Variants in GRK7 observed in about 807,000 individuals in gnomAD.
GRK7 encodes rhodopsin kinase GRK7.
Under a neutral mutation model 34.1 loss-of-function variants are expected in GRK7, and 24 were observed. The ratio of observed to expected loss-of-function variants is 0.70; its 90% CI spans 0.51 to 0.99. GRK7 has a LOEUF of 0.99. GRK7 is among the 50% of genes least tolerant of loss of function. The probability of loss-of-function intolerance (pLI) is 0.00; values close to 1 mark genes in which losing one functional copy is unlikely to be tolerated. For synonymous variants in GRK7, 256 were observed against 279.4 expected, an observed-to-expected ratio of 0.92 and a Z score of 0.84; for missense variants, 644 against 707.3, an observed-to-expected ratio of 0.91 and a Z score of 1.02.
At position 141,785,034 on chromosome 3, in the gene GRK7, A is replaced by C. The variant is rs1339514414; in HGVS notation, c.1050+4223A>C. Among the ~76,000 whole-genome samples the C allele has an allele frequency of 3.3e-5, 5 of 152,280 alleles. No homozygotes were observed. In the East Asian group the frequency reaches 9.6e-4, roughly 29 times the overall value. ...ATCCTCTCACCAGACATTTCCCTCA[A>C]CCTTCCTTTCCTTATAAAATACTTT... On this transcript the variant is annotated intron_variant, in intron 4 of 5. Transcript: ENST00000682958.
intron 2 of GRK7, among the ~76,000 whole-genome samples, 35 bp downstream of exon 2, chr3:141,774,715 T>C (rs1241563379): frequency 6.6e-6 from 1 of 151,940 alleles, no homozygotes; most frequent in East Asian, 1.9e-4. Context: ...GTAGGTACCA[T>C]ATTATCATTT....
At chr3:141,752,870 T>G in the GRK7 span, among the ~76,000 whole-genome samples, 1 of 152,170 alleles carries the variant, frequency 6.6e-6, no homozygotes, top group Non-Finnish European at 1.5e-5. Flanking sequence ...TTTTCATGAA[T>G]GTACCCAAGA....
intron 5 of GRK7, among the ~76,000 whole-genome samples, chr3:141,812,472 C>T (rs1475970687): frequency 6.6e-6 from 1 of 152,146 alleles, no homozygotes; most frequent in Non-Finnish European, 1.5e-5. Flanking sequence ...TTTGTGGTGG[C>T]CCAGCCACAA....
chr3:141,794,775 T>C (rs2084741307), intron 4 of GRK7, among the ~76,000 whole-genome samples: 1 of 152,052 alleles, frequency 6.6e-6, no homozygotes. Flanking sequence ...TGGGGCGATA[T>C]AATATTTCAG....
At chr3:141,773,317 G>A (rs1228614777) in intron 1 of GRK7, among the ~76,000 whole-genome samples, 2 of 151,610 alleles carry the variant, frequency 1.3e-5, no homozygotes, top group Non-Finnish European at 2.9e-5. Context: ...TAGCTGCATG[G>A]GGCATCACAG....
intron 4 of GRK7, among the ~76,000 whole-genome samples, chr3:141,804,153 C>G (rs1710999732): frequency 6.6e-6 from 1 of 152,188 alleles, no homozygotes; most frequent in Non-Finnish European, 1.5e-5. Flanking sequence ...CGAGTAAACT[C>G]ACTTCTCTTT....
chr3:141,780,766 G>A lies in GRK7; in HGVS notation c.1005G>A (p.Leu335=). The change falls in exon 4 of 6, where the codon CTG becomes CTA. Residue 335 remains leucine (L), a synonymous_variant. Coordinates refer to ENST00000682958, the MANE Select transcript of GRK7 (RefSeq NM_139209.3). ...DDLGNCRLSD[L]GLAVEMKGGK... Reference sequence around the variant, plus strand: ...TCGGCAACTGCAGGTTATCTGACCTGGGGCTGGCCGTGGAGATGAAGGGTG... The same window carrying A: ...TCGGCAACTGCAGGTTATCTGACCTAGGGCTGGCCGTGGAGATGAAGGGTG... 1 of 1,614,176 alleles carries A rather than the reference G, an allele frequency of 6.2e-7. No homozygotes were observed. Among genetic ancestry groups the A allele is most frequent in the African/African-American group, 1.3e-5 (1 of 75,072 alleles).
At position 141,808,005 on chromosome 3, in the gene GRK7, T is replaced by A. The variant is rs1240985754; in HGVS notation, c.1325+86T>A. On this transcript the variant is annotated intron_variant, in intron 5 of 5. Transcript: ENST00000682958. Reference sequence around the variant, plus strand: ...AATACTTTTGATTTGTGGCAAAGTCTTGGAATTAAGTATTATGATTTTCTT... The same window carrying A: ...AATACTTTTGATTTGTGGCAAAGTCATGGAATTAAGTATTATGATTTTCTT... 6.4e-6 allele frequency: 8 copies of A among 1,245,382 alleles called. No homozygotes were observed. The Admixed American group carries it at 1.9e-4, about 30-fold the overall frequency. The allele number at this position is 1,245,382 out of a possible 1,614,324, so 77.1% of individuals were successfully genotyped here. A position where few individuals can be genotyped will look rare whatever the true frequency, so the allele number is the denominator to read the frequency against.
At chr3:141,806,886 T>C (rs1711042097) in intron 4 of GRK7, among the ~76,000 whole-genome samples, 1 of 151,832 alleles carries the variant, frequency 6.6e-6, no homozygotes, top group African/African-American at 2.4e-5. Flanking sequence ...TATGGGTAAT[T>C]TACCATACAC....
chr3:141,776,013 G>A (rs1327119388), intron 2 of GRK7, among the ~76,000 whole-genome samples: 5 of 152,030 alleles, frequency 3.3e-5, no homozygotes, highest in South Asian at 2.1e-4. Flanking sequence ...GGCCAGGCAC[G>A]GTGGCTCACA....
Position 141,765,431 on chromosome 3 carries a change from C to G in GRK7, c.-522C>G, listed in dbSNP as rs971860315. ...CCCTGCTTGATTTTTCTTCACAGCA[C>G]TTACCACCATCTGTGGTGGGTTGGA... On this transcript the variant is annotated 5_prime_UTR_variant, in exon 1 of 6. Coordinates refer to ENST00000682958, the MANE Select transcript of GRK7 (RefSeq NM_139209.3). Among the ~76,000 whole-genome samples the G allele has an allele frequency of 2.0e-5, 3 of 152,160 alleles. No homozygotes were observed. Among genetic ancestry groups the G allele is most frequent in the African/African-American group, 7.2e-5 (3 of 41,448 alleles).
intron 4 of GRK7, among the ~76,000 whole-genome samples, chr3:141,791,250 A>G (rs2084722764): frequency 2.6e-5 from 4 of 152,252 alleles, no homozygotes; most frequent in Admixed American, 2.6e-4. Flanking sequence ...ATTGTACCAA[A>G]TACAATGCTA....
intron 4 of GRK7, among the ~76,000 whole-genome samples, chr3:141,787,221 T>A (rs1559842865): frequency 6.6e-6 from 1 of 152,240 alleles, no homozygotes; most frequent in South Asian, 2.1e-4. Flanking sequence ...ATAAATGAAC[T>A]GTTTTAAGTT....
upstream of GRK7, among the ~76,000 whole-genome samples, chr3:141,763,198 ACCTCATG>A (rs2084565132): frequency 6.6e-6 from 1 of 152,154 alleles, no homozygotes; most frequent in Non-Finnish European, 1.5e-5. Flanking sequence ...TTCTTCCCAT[ACCTCATG>A]CTTCAAATAG....
In GRK7 at chr3:141,778,376, A is replaced by G. The variant is rs756073341; in HGVS notation, c.92A>G (p.Gln31Arg). 1.9e-6 allele frequency: 3 copies of G among 1,611,436 alleles called. No homozygotes were observed. Among genetic ancestry groups the G allele is most frequent in the Middle Eastern group, 1.6e-4 (1 of 6,066 alleles). The change falls in exon 3 of 6, where the codon CAG becomes CGG. Residue 31 changes from glutamine (Q) to arginine (R), a missense_variant. Coordinates refer to ENST00000682958, the MANE Select transcript of GRK7 (RefSeq NM_139209.3). The surrounding 1 kb of genome is among the most constrained non-coding windows in gnomAD (Gnocchi z 4.1). ...TCGGACTGCGACAGCAAAGAGCTGCAGCGGCGGCGGCGTAGCCTGGCCCTG... is the reference window on the plus strand; with the variant it reads ...TCGGACTGCGACAGCAAAGAGCTGCGGCGGCGGCGGCGTAGCCTGGCCCTG... ...KPSDCDSKEL[Q>R]RRRRSLALPG...
Position 141,763,801 on chromosome 3 carries a change from G to A in GRK7, c.-2152G>A, listed in dbSNP as rs2107869184. Among the ~76,000 whole-genome samples, 1 of 152,064 alleles carries A rather than the reference G, an allele frequency of 6.6e-6. No individual in the cohort carries two copies. The highest frequency in any genetic ancestry group is 1.5e-5 in the Non-Finnish European group (1 of 67,984). On this transcript the variant is annotated 5_prime_UTR_variant, in exon 1 of 6. Coordinates refer to ENST00000682958, the MANE Select transcript of GRK7 (RefSeq NM_139209.3). ...ATTCCTGCAACTCCCACCCCTTCCT[G>A]ACTTCTGAAACTTGTCCTCTGTGCC...
intron 4 of GRK7, 125 bp downstream of exon 4, chr3:141,780,936 CT>C: frequency 1.2e-6 from 1 of 801,872 alleles, no homozygotes; most frequent in Non-Finnish European, 2.0e-6. Context: ...TCCTAAAGCG[CT>C]TACGTTGTCA....
At chr3:141,774,288 G>A (rs2084629211) in intron 1 of GRK7, among the ~76,000 whole-genome samples, 1 of 152,114 alleles carries the variant, frequency 6.6e-6, no homozygotes, top group East Asian at 1.9e-4. Flanking sequence ...CAGGTGTGAT[G>A]GTGCACAACT....
intron 4 of GRK7, among the ~76,000 whole-genome samples, chr3:141,786,405 A>G (rs1206437344): frequency 1.3e-5 from 2 of 152,142 alleles, no homozygotes; most frequent in East Asian, 3.9e-4. Flanking sequence ...GAGTGTAGAC[A>G]AGACCCGTGA....
Sources: allele counts gnomAD v4.1 joint callset (sites outside exome capture counted in the v4.1 genomes callset), GRCh38; gene constraint gnomAD v4.1.1; non-coding constraint Gnocchi (gnomAD v3.1); transcripts MANE v1.5; gene names NCBI Gene and HGNC (gene_info 2026-07-23, HGNC 2026-07-21).